The following TXNDC9 variants were observed in gnomAD, a reference collection of about 807,000 sequenced individuals.
TXNDC9 encodes thioredoxin domain-containing protein 9.
Under a neutral mutation model 23.0 loss-of-function variants are expected in TXNDC9, and 7 were observed. That is an observed-to-expected ratio of 0.30 (90% CI 0.17 to 0.57). TXNDC9 has a LOEUF of 0.57. TXNDC9 is among the 20% of genes least tolerant of loss of function. The pLI is 0.90. For missense variants in TXNDC9, 198 were observed against 252.6 expected, an observed-to-expected ratio of 0.78 and a Z score of 1.47; for synonymous variants, 72 against 90.6, an observed-to-expected ratio of 0.79 and a Z score of 1.17.
intron 3 of TXNDC9, among the ~76,000 whole-genome samples, chr2:99,325,989 T>G (rs1438738787): frequency 2.6e-5 from 4 of 151,084 alleles, no homozygotes; most frequent in Non-Finnish European, 5.9e-5. Flanking sequence ...CTAGCCTGGG[T>G]GACAGTGTAA....
chr2:99,315,374 A>G (rs1245494045), downstream of TXNDC9, among the ~76,000 whole-genome samples: 1 of 151,982 alleles, frequency 6.6e-6, no homozygotes, highest in Non-Finnish European at 1.5e-5. Context: ...CCCTTTACTC[A>G]TTTTTTAAAT....
Position 99,327,647 on chromosome 2 carries a change from G to A in TXNDC9, c.196C>T (p.Leu66Phe), listed in dbSNP as rs2094215630. Residue 66 changes from leucine (L) to phenylalanine (F), a missense_variant, in exon 3 of 5, where the codon CTT becomes TTT. Coordinates refer to ENST00000264255, the MANE Select transcript of TXNDC9 (RefSeq NM_005783.4). ...CTGTATTCCCCATGTCCTTTAGAAAGCCATTCCTAATTTGGAGAGAGGCAA... is the reference window on the plus strand; with the variant it reads ...CTGTATTCCCCATGTCCTTTAGAAAACCATTCCTAATTTGGAGAGAGGCAA... ...RKAQQQKQEW[L>F]SKGHGEYREI... 7 of 1,609,632 alleles carry A rather than the reference G, an allele frequency of 4.3e-6. No individual in the cohort carries two copies. Among genetic ancestry groups the A allele is most frequent in the Non-Finnish European group, 4.2e-6 (5 of 1,176,876 alleles).
the TXNDC9 span, chr2:99,307,339 T>C: frequency 6.6e-6 from 1 of 151,436 alleles, no homozygotes; most frequent in African/African-American, 2.4e-5. Flanking sequence ...TTTACAATTA[T>C]TATGATTATT....
intron 4 of TXNDC9, among the ~76,000 whole-genome samples, chr2:99,320,342 T>C (rs967289472): frequency 7.2e-5 from 11 of 152,166 alleles, no homozygotes; most frequent in Non-Finnish European, 1.5e-4. Context: ...TGGATTAACA[T>C]TTGGTTAACA....
chr2:99,328,410 A>G (rs573576668), intron 2 of TXNDC9, among the ~76,000 whole-genome samples: 1 of 152,254 alleles, frequency 6.6e-6, no homozygotes, highest in South Asian at 2.1e-4. Flanking sequence ...CTGAAGTCAA[A>G]GAAAAATGAA....
Position 99,327,670 on chromosome 2 carries a change from C to G in TXNDC9, c.190-17G>C, listed in dbSNP as rs1478608847. 7 of 1,475,332 alleles carry G rather than the reference C, an allele frequency of 4.7e-6. No homozygotes were observed. Among genetic ancestry groups the G allele is most frequent in the African/African-American group, 4.2e-5 (3 of 71,924 alleles). 91.4% of individuals were successfully genotyped at this position (1,475,332 alleles called of 1,614,324 possible). On this transcript the variant is annotated splice_polypyrimidine_tract_variant and intron_variant, in intron 2 of 4. Coordinates refer to ENST00000264255, the MANE Select transcript of TXNDC9 (RefSeq NM_005783.4). Reference sequence around the variant, plus strand: ...AAGCCATTCCTAATTTGGAGAGAGGCAAAACATTACACATGTGAGATATCT... The same window carrying G: ...AAGCCATTCCTAATTTGGAGAGAGGGAAAACATTACACATGTGAGATATCT...
chr2:99,329,861 G>A (rs117845725), intron 2 of TXNDC9, among the ~76,000 whole-genome samples: 1,671 of 152,086 alleles, frequency 0.011, 9 homozygotes, highest in Middle Eastern at 0.024. Flanking sequence ...CCAGCTCCTC[G>A]GGGGCTGAGG....
chr2:99,328,990 T>A (rs2094219149), intron 2 of TXNDC9, among the ~76,000 whole-genome samples: 2 of 151,740 alleles, frequency 1.3e-5, no homozygotes, highest in Admixed American at 1.3e-4. Flanking sequence ...CAAAAATAAA[T>A]AAAAATAAAA....
At chr2:99,313,742 C>T in the TXNDC9 span, among the ~76,000 whole-genome samples, 21 of 152,192 alleles carry the variant, frequency 1.4e-4, no homozygotes, top group Non-Finnish European at 2.6e-4. Context: ...TGCAGGGACT[C>T]CAAGTCCTCA....
At chr2:99,328,998 A>C (rs1431081938) in intron 2 of TXNDC9, among the ~76,000 whole-genome samples, 1 of 152,136 alleles carries the variant, frequency 6.6e-6, no homozygotes, top group East Asian at 1.9e-4. Context: ...AATAAAAATA[A>C]AAATAATGCT....
intron 2 of TXNDC9, among the ~76,000 whole-genome samples, chr2:99,329,598 C>T (rs529921227): frequency 3.3e-5 from 5 of 152,336 alleles, no homozygotes; most frequent in African/African-American, 1.2e-4. Context: ...CAGTTTAACT[C>T]TCAAATACAA....
chr2:99,309,774 C>T, the TXNDC9 span, among the ~76,000 whole-genome samples: 14 of 152,168 alleles, frequency 9.2e-5, no homozygotes, highest in Admixed American at 3.3e-4. Flanking sequence ...GCAACTTCTA[C>T]CTCCCAGGTT....
chr2:99,336,152 C>A (rs2094239609), intron 1 of TXNDC9, 87 bp downstream of exon 1: 3 of 974,670 alleles, frequency 3.1e-6, no homozygotes, highest in Non-Finnish European at 2.4e-6. Flanking sequence ...GGGCCGCGCC[C>A]CTCCTCCGCT....
chr2:99,307,017 T>TTCCTC, the TXNDC9 span, among the ~76,000 whole-genome samples: 1 of 116,544 alleles, frequency 8.6e-6, no homozygotes, highest in Non-Finnish European at 1.8e-5. Flanking sequence ...CTCCCTCCCT[T>TTCCTC]CCTTCCTTCC....
chr2:99,315,062 ATTTT>A (rs748634802), downstream of TXNDC9, among the ~76,000 whole-genome samples: 3 of 107,976 alleles, frequency 2.8e-5, no homozygotes, highest in Non-Finnish European at 6.0e-5. Flanking sequence ...CGCCTGGTTA[ATTTT>A]TTTTTTTTTT....
chr2:99,319,268 G>A lies in TXNDC9; in HGVS notation c.*414C>T, dbSNP rs2094195971. 1 of 154,556 alleles carries A rather than the reference G, an allele frequency of 6.5e-6. No individual in the cohort carries two copies. The highest frequency in any genetic ancestry group is 2.4e-5 in the African/African-American group (1 of 41,486). The allele number at this position is 154,556 out of a possible 1,614,324, so 9.6% of individuals were successfully genotyped here. A position where few individuals can be genotyped will look rare whatever the true frequency, so the allele number is the denominator to read the frequency against. On this transcript the variant is annotated 3_prime_UTR_variant, in exon 5 of 5. Transcript: ENST00000264255. ...GGTTATTTAAATATATTCCAGAAGAGCGTTTATAATTCATTTACAAGTGCA... is the reference window on the plus strand; with the variant it reads ...GGTTATTTAAATATATTCCAGAAGAACGTTTATAATTCATTTACAAGTGCA...
chr2:99,321,496 A>C (rs1273316686), intron 4 of TXNDC9: 2 of 152,896 alleles, frequency 1.3e-5, no homozygotes, highest in Non-Finnish European at 2.9e-5. Context: ...GTAAAACAGA[A>C]ATATCCATGT....
At position 99,330,290 on chromosome 2, in the gene TXNDC9, CAAAAAAAAAAA is replaced by C. The variant is rs528602849; in HGVS notation, c.190-2648_190-2638del. Among the ~76,000 whole-genome samples the C allele has an allele frequency of 2.4e-3, 69 of 28,164 alleles. 1 individual carries two copies. The highest frequency in any genetic ancestry group is 8.5e-3 in the African/African-American group (56 of 6,590). 18.5% of individuals were successfully genotyped at this position (28,164 alleles called of 152,430 possible). A position where few individuals can be genotyped will look rare whatever the true frequency, so the allele number is the denominator to read the frequency against. On this transcript the variant is annotated intron_variant, in intron 2 of 4. Transcript: ENST00000264255. ...GGGCAACAGAGCAAGACTCTTATCT[CAAAAAAAAAAA>C]AAAAAAAAAAAAAAAAAAGCTGCTA...
rs1361802876 is a variant in TXNDC9, at chr2:99,334,877, A to G, written c.-33+1362T>C. On this transcript the variant is annotated intron_variant, in intron 1 of 4. Transcript: ENST00000264255. Reference sequence around the variant, plus strand: ...CAGGCGCCCGCCACCACGCCCGGCTAATTTCTTTTTGTATTTTTAGTACAG... The same window carrying G: ...CAGGCGCCCGCCACCACGCCCGGCTGATTTCTTTTTGTATTTTTAGTACAG... Among the ~76,000 whole-genome samples the G allele has an allele frequency of 2.0e-5, 3 of 152,126 alleles. No individual in the cohort carries two copies. In the East Asian group the frequency reaches 5.8e-4, roughly 29 times the overall value.
Sources: allele counts gnomAD v4.1 joint callset (sites outside exome capture counted in the v4.1 genomes callset), GRCh38; gene constraint gnomAD v4.1.1; transcripts MANE v1.5; gene names NCBI Gene and HGNC (gene_info 2026-07-23, HGNC 2026-07-21).